The following TENM3 variants were observed in gnomAD, a reference collection of about 807,000 sequenced individuals.
TENM3 encodes the protein teneurin-3.
In TENM3, 63 loss-of-function variants were observed where a neutral mutation model predicts 255.1. The ratio of observed to expected loss-of-function variants is 0.25; its 90% confidence interval spans 0.20 to 0.30. TENM3 has a LOEUF of 0.30. Ranked by LOEUF, TENM3 falls within the 10% of genes least tolerant of loss-of-function variation. The probability of loss-of-function intolerance (pLI) is 1.00; values close to 1 mark genes in which losing one functional copy is unlikely to be tolerated. For missense variants in TENM3, 2,929 were observed against 3,461.1 expected, an observed-to-expected ratio of 0.85 and a Z score of 3.86; for synonymous variants, 1,306 against 1,322.3, an observed-to-expected ratio of 0.99 and a Z score of 0.27.
chr4:182,424,041 T>C (rs1250247400), intron 3 of TENM3, among the ~76,000 whole-genome samples: 1 of 152,156 alleles, frequency 6.6e-6, no homozygotes, highest in Non-Finnish European at 1.5e-5. Flanking sequence ...AAAGCAGTTT[T>C]CACTTGTAAT....
At chr4:181,605,588 A>AGAAAGAAAGAAAGAGAGAGAAAGAAAG in the TENM3 span, among the ~76,000 whole-genome samples, 4 of 37,570 alleles carry the variant, frequency 1.1e-4, 1 homozygote, top group East Asian at 7.4e-4. Context: ...AAGAAAGGAA[A>AGAAAGAAAGAAAGAGAGAGAAAGAAAG]GAAAGAAAGA....
intron 18 of TENM3, among the ~76,000 whole-genome samples, chr4:182,741,926 A>G (rs896616756): frequency 3.3e-5 from 5 of 152,162 alleles, no homozygotes; most frequent in Admixed American, 6.6e-5. Context: ...AAGTGGGGGG[A>G]AAAAGCACTT....
chr4:182,712,604 C>T (rs778162077), intron 12 of TENM3, among the ~76,000 whole-genome samples: 2 of 152,084 alleles, frequency 1.3e-5, no homozygotes, highest in South Asian at 2.1e-4. Context: ...GAGAGACAGT[C>T]GAAATAGTCT....
At chr4:182,125,903 G>A in the TENM3 span, among the ~76,000 whole-genome samples, 36 of 151,598 alleles carry the variant, frequency 2.4e-4, no homozygotes, top group African/African-American at 4.8e-4. Flanking sequence ...GCAATTTGGG[G>A]GATTTGAAAG....
the TENM3 span, among the ~76,000 whole-genome samples, chr4:181,936,681 C>T: frequency 6.6e-6 from 1 of 151,944 alleles, no homozygotes; most frequent in Admixed American, 6.6e-5. Flanking sequence ...ATGTGTTGAG[C>T]GTTATGGCTG....
At chr4:182,733,749 AC>A (rs1238717821) in intron 16 of TENM3, among the ~76,000 whole-genome samples, 1 of 152,224 alleles carries the variant, frequency 6.6e-6, no homozygotes, top group Admixed American at 6.5e-5. Flanking sequence ...GGTCAAGCCA[AC>A]TTTGAGCTGA....
the TENM3 span, among the ~76,000 whole-genome samples, chr4:182,016,667 T>C: frequency 3.9e-5 from 6 of 152,190 alleles, no homozygotes; most frequent in Non-Finnish European, 7.3e-5. Context: ...AATAGGTGAT[T>C]GGGTCCAAAA....
rs573274156 is a variant in TENM3, at chr4:182,374,022, C to A, written c.511+27093C>A. On this transcript the variant is annotated intron_variant, in intron 3 of 27. Coordinates refer to ENST00000511685, the MANE Select transcript of TENM3 (RefSeq NM_001080477.4). Reference sequence around the variant, plus strand: ...CTACAAAGCTGAAAAACAAGACCTACCAGTGTGTATAGTATATATATATAT... The same window carrying A: ...CTACAAAGCTGAAAAACAAGACCTAACAGTGTGTATAGTATATATATATAT... Among the ~76,000 whole-genome samples, 4 of 151,664 alleles carry A rather than the reference C, an allele frequency of 2.6e-5. 1 individual carries two copies. The highest frequency in any genetic ancestry group is 9.7e-5 in the African/African-American group (4 of 41,102).
the TENM3 span, among the ~76,000 whole-genome samples, chr4:181,904,282 C>T: frequency 4.6e-5 from 7 of 152,154 alleles, no homozygotes; most frequent in South Asian, 1.5e-3. Flanking sequence ...TGCTTCTTCT[C>T]TTTCTTCCCC....
At chr4:182,563,156 C>T (rs748763670) in intron 3 of TENM3, among the ~76,000 whole-genome samples, 2 of 152,016 alleles carry the variant, frequency 1.3e-5, no homozygotes, top group African/African-American at 2.4e-5. Flanking sequence ...GGCTCACACC[C>T]GTAATCCCAA....
intron 3 of TENM3, among the ~76,000 whole-genome samples, chr4:182,472,006 A>G (rs556542625): frequency 6.6e-6 from 1 of 152,276 alleles, no homozygotes; most frequent in African/African-American, 2.4e-5. Context: ...TTTAATTACT[A>G]AAAATACCTA....
the TENM3 span, among the ~76,000 whole-genome samples, chr4:181,765,689 A>G: frequency 6.6e-6 from 1 of 152,182 alleles, no homozygotes; most frequent in Non-Finnish European, 1.5e-5. Context: ...ATACATAAAT[A>G]ATGAGGCACA....
At chr4:182,449,431 TGGA>T (rs1443949131) in intron 3 of TENM3, among the ~76,000 whole-genome samples, 1 of 148,380 alleles carries the variant, frequency 6.7e-6, no homozygotes, top group African/African-American at 2.5e-5. Context: ...GCGGGGAGAA[TGGA>T]GTCTTTTGTT....
At chr4:182,471,901 G>T (rs570644802) in intron 3 of TENM3, among the ~76,000 whole-genome samples, 1 of 152,158 alleles carries the variant, frequency 6.6e-6, no homozygotes, top group Non-Finnish European at 1.5e-5. Context: ...AATTAAGATG[G>T]TGTCATTTCA....
chr4:182,524,076 G>A lies in TENM3; in HGVS notation c.512-76848G>A, dbSNP rs539152997. On this transcript the variant is annotated intron_variant, in intron 3 of 27. Transcript: ENST00000511685. ...CTCCTTCCCATTACCTCTGTTATTCGTCACTTTCCTGTAACTTGGATGCAG... is the reference window on the plus strand; with the variant it reads ...CTCCTTCCCATTACCTCTGTTATTCATCACTTTCCTGTAACTTGGATGCAG... 9.9e-5 allele frequency among the ~76,000 whole-genome samples: 15 copies of A among 152,126 alleles called. No individual in the cohort carries two copies. The South Asian group carries it at 2.3e-3, about 23-fold the overall frequency.
At chr4:181,847,774 A>G in the TENM3 span, among the ~76,000 whole-genome samples, 1 of 152,050 alleles carries the variant, frequency 6.6e-6, no homozygotes, top group African/African-American at 2.4e-5. Flanking sequence ...AAGAATATTA[A>G]CTTTCCAAGC....
chr4:181,467,007 C>T, the TENM3 span, among the ~76,000 whole-genome samples: 1 of 146,594 alleles, frequency 6.8e-6, no homozygotes, highest in African/African-American at 2.6e-5. Context: ...TAGGTAAAAA[C>T]TCAGAACTTA....
chr4:182,081,455 G>T, the TENM3 span, among the ~76,000 whole-genome samples: 2 of 151,840 alleles, frequency 1.3e-5, no homozygotes, highest in Admixed American at 1.3e-4. Flanking sequence ...GTGGTGGCAC[G>T]TGCCTGTAGT....
chr4:181,605,584 G>GAGAGAGAGAGAGAGA, the TENM3 span, among the ~76,000 whole-genome samples: 1 of 69,140 alleles, frequency 1.4e-5, no homozygotes, highest in African/African-American at 5.8e-5. Flanking sequence ...GAGAAAGAAA[G>GAGAGAGAGAGAGAGA]GAAAGAAAGA....
Sources: gnomAD v4.1 joint callset for allele counts (sites outside exome capture counted in the v4.1 genomes callset) on GRCh38, gnomAD v4.1.1 for gene constraint, MANE v1.5 for transcripts, NCBI Gene and HGNC (gene_info 2026-07-23, HGNC 2026-07-21) for gene names.